Variants in CEMIP observed in about 807,000 individuals in gnomAD.
CEMIP encodes cell migration inducing hyaluronidase 1, also known as cell migration-inducing and hyaluronan-binding protein.
Under a neutral mutation model 156.9 loss-of-function variants are expected in CEMIP, and 105 were observed. The observed-to-expected ratio is 0.67, with a 90% CI of 0.57 to 0.79. CEMIP has a LOEUF of 0.79. CEMIP is among the 30% of genes least tolerant of loss of function. The pLI is 0.00. For synonymous variants in CEMIP, 676 were observed against 668.4 expected, an observed-to-expected ratio of 1.01 and a Z score of -0.17; for missense variants, 1,457 against 1,769.4, an observed-to-expected ratio of 0.82 and a Z score of 3.17.
rs370607399 is a variant in CEMIP, at chr15:80,880,911, G to A, written c.392G>A (p.Gly131Asp). The A allele has an allele frequency of 1.2e-6, 2 of 1,613,356 alleles. No individual in the cohort carries two copies. The highest frequency in any genetic ancestry group is 2.7e-5 in the African/African-American group (2 of 74,910). ...TIILYGRADE[G>D]IQPDPYYGLK... ...GTTTTCTCTTGCAGGGCTGATGAAG[G>A]TATTCAGCCGGATCCTTACTATGGT... Residue 131 changes from glycine to aspartate, a missense_variant, in exon 6 of 30, where the codon GGT becomes GAT. Coordinates refer to ENST00000394685, the MANE Select transcript of CEMIP (RefSeq NM_001293298.2).
intron 6 of CEMIP, among the ~76,000 whole-genome samples, chr15:80,881,911 T>C (rs929351273): frequency 6.6e-6 from 1 of 152,022 alleles, no homozygotes; most frequent in Non-Finnish European, 1.5e-5. Flanking sequence ...ACCTGAGAGA[T>C]GTTTGGAAGG....
intron 1 of CEMIP, among the ~76,000 whole-genome samples, chr15:80,790,416 C>T (rs1896051621): frequency 6.6e-6 from 1 of 152,218 alleles, no homozygotes; most frequent in East Asian, 1.9e-4. Context: ...CCATCAGCAT[C>T]ATTAATATTC....
intron 1 of CEMIP, among the ~76,000 whole-genome samples, chr15:80,804,002 G>A (rs375575730): frequency 6.6e-5 from 10 of 152,336 alleles, no homozygotes; most frequent in East Asian, 1.9e-4. Flanking sequence ...GAAAGGCAAA[G>A]GAGAAGCAAA....
intron 1 of CEMIP, among the ~76,000 whole-genome samples, chr15:80,846,734 G>A (rs539054991): frequency 6.6e-6 from 1 of 152,332 alleles, no homozygotes; most frequent in South Asian, 2.1e-4. Context: ...CTCAAGATCT[G>A]AAAGATCAAA....
chr15:80,890,450 T>C (rs11631032), intron 10 of CEMIP, among the ~76,000 whole-genome samples: 41,670 of 149,404 alleles, frequency 0.28, 6,246 homozygotes, highest in East Asian at 0.47. Flanking sequence ...ATTAGCTTGG[T>C]GTGGTGGCGG....
At chr15:80,933,028 T>A (rs1456583906) in intron 22 of CEMIP, among the ~76,000 whole-genome samples, 1 of 152,198 alleles carries the variant, frequency 6.6e-6, no homozygotes, top group Non-Finnish European at 1.5e-5. Flanking sequence ...GCCAAAAGCA[T>A]GTGCTAGGTC....
At chr15:80,883,049 G>C (rs572337039) in intron 6 of CEMIP, among the ~76,000 whole-genome samples, 1 of 152,158 alleles carries the variant, frequency 6.6e-6, no homozygotes, top group Non-Finnish European at 1.5e-5. Flanking sequence ...TTGGAAACAA[G>C]TGTGAGGACC....
rs945098058 is a variant in CEMIP at position 80,949,263 on chromosome 15, C to T, written c.*339C>T. The T allele has an allele frequency of 1.3e-4, 51 of 389,208 alleles. No individual in the cohort carries two copies. The highest frequency in any genetic ancestry group is 1.2e-4 in the East Asian group (2 of 16,188). 24.1% of individuals were successfully genotyped at this position (389,208 alleles called of 1,614,324 possible). On this transcript the variant is annotated 3_prime_UTR_variant, in exon 30 of 30. Coordinates refer to ENST00000394685, the MANE Select transcript of CEMIP (RefSeq NM_001293298.2). ...GGGTTGTGCTGACAGCAAAGATCCACTTTGGCAGGAGCCCTGACCCAGCTA... is the reference window on the plus strand; with the variant it reads ...GGGTTGTGCTGACAGCAAAGATCCATTTTGGCAGGAGCCCTGACCCAGCTA...
At chr15:80,851,758 C>T (rs183927292) in intron 1 of CEMIP, among the ~76,000 whole-genome samples, 289 of 151,816 alleles carry the variant, frequency 1.9e-3, no homozygotes, top group African/African-American at 6.7e-3. Context: ...TAGAAGGTGG[C>T]GTGGGGCATG....
At chr15:80,916,121 T>G (rs1900265043) in intron 14 of CEMIP, among the ~76,000 whole-genome samples, 1 of 152,250 alleles carries the variant, frequency 6.6e-6, no homozygotes, top group African/African-American at 2.4e-5. Flanking sequence ...TGGAAATCAT[T>G]ACATACAGAT....
chr15:80,800,021 A>ATG (rs56412231), intron 1 of CEMIP, among the ~76,000 whole-genome samples: 20,687 of 124,696 alleles, frequency 0.17, 1,758 homozygotes, highest in Middle Eastern at 0.22. Flanking sequence ...AGCTAATTTT[A>ATG]TGTGTGTGTG....
At chr15:80,845,603 C>T (rs1364912147) in intron 1 of CEMIP, among the ~76,000 whole-genome samples, 1 of 152,194 alleles carries the variant, frequency 6.6e-6, no homozygotes, top group Non-Finnish European at 1.5e-5. Context: ...GTCTTCTTCT[C>T]TGGTCTCCTT....
rs1567090962 is a variant in CEMIP at position 80,900,644 on chromosome 15, GTGTGTCTGTGTGTGTGTC to G, written c.1411+4590_1411+4607del. Among the ~76,000 whole-genome samples the G allele has an allele frequency of 2.9e-4, 36 of 124,576 alleles. 1 individual carries two copies. Among genetic ancestry groups the G allele is most frequent in the African/African-American group, 9.5e-4 (32 of 33,788 alleles). 81.7% of individuals were successfully genotyped at this position (124,576 alleles called of 152,430 possible). A position where few individuals can be genotyped will look rare whatever the true frequency, so the allele number is the denominator to read the frequency against. ...TGTGTGTGTGTGTGTGTGTGTGTGT[GTGTGTCTGTGTGTGTGTC>G]TGTGTGTGTGTGTGTATTTTGTGTG... On this transcript the variant is annotated intron_variant, in intron 12 of 29. Coordinates refer to ENST00000394685, the MANE Select transcript of CEMIP (RefSeq NM_001293298.2).
chr15:80,881,933 G>A (rs1359999353), intron 6 of CEMIP, among the ~76,000 whole-genome samples: 1 of 152,208 alleles, frequency 6.6e-6, no homozygotes, highest in Admixed American at 6.5e-5. Flanking sequence ...AGCATGGGCA[G>A]GTGTAAGCTG....
At chr15:80,836,722 T>C (rs1240764377) in intron 1 of CEMIP, among the ~76,000 whole-genome samples, 1 of 149,578 alleles carries the variant, frequency 6.7e-6, no homozygotes, top group East Asian at 2.0e-4. Flanking sequence ...GGCCTCCTGC[T>C]TATTATGCAG....
At chr15:80,836,426 T>A (rs1357785543) in intron 1 of CEMIP, among the ~76,000 whole-genome samples, 2 of 152,242 alleles carry the variant, frequency 1.3e-5, no homozygotes, top group Non-Finnish European at 2.9e-5. Context: ...TGTCTCTGGT[T>A]TTCGTCCACT....
At chr15:80,936,526 CCTTT>C (rs775278931) in intron 23 of CEMIP, 144 bp from the exon 24 acceptor site, 64 of 760,764 alleles carry the variant, frequency 8.4e-5, no homozygotes, top group Non-Finnish European at 1.3e-4. Flanking sequence ...CCTTATTTGG[CCTTT>C]CTTTCATTCA....
intron 7 of CEMIP, among the ~76,000 whole-genome samples, chr15:80,886,227 G>A (rs1305255259): frequency 2.0e-5 from 3 of 152,118 alleles, no homozygotes; most frequent in Non-Finnish European, 4.4e-5. Context: ...GGAGGCCCAG[G>A]GGCAAAAGCA....
intron 1 of CEMIP, among the ~76,000 whole-genome samples, chr15:80,824,259 C>T (rs182554233): frequency 2.0e-5 from 3 of 152,258 alleles, no homozygotes; most frequent in Middle Eastern, 3.4e-3. Flanking sequence ...CTATAAGATT[C>T]GAGGCAGTCC....
Sources: gnomAD v4.1 joint callset for allele counts (sites outside exome capture counted in the v4.1 genomes callset) on GRCh38, gnomAD v4.1.1 for gene constraint, MANE v1.5 for transcripts, NCBI Gene and HGNC (gene_info 2026-07-23, HGNC 2026-07-21) for gene names.